RORA: variants seen among roughly 807,000 people sequenced by gnomAD.
The protein encoded by RORA is nuclear receptor ROR-alpha.
In RORA, 7 loss-of-function variants were observed where a neutral mutation model predicts 69.5. The observed-to-expected ratio is 0.10, with a 90% CI of 0.06 to 0.19. RORA has a LOEUF of 0.19. Among genes scored for constraint, RORA ranks in the 10% least tolerant of loss-of-function variants. The probability of loss-of-function intolerance (pLI) is 1.00; values close to 1 mark genes in which losing one functional copy is unlikely to be tolerated. For missense variants in RORA, 457 were observed against 663.0 expected, an observed-to-expected ratio of 0.69 and a Z score of 3.41; for synonymous variants, 261 against 240.8, an observed-to-expected ratio of 1.08 and a Z score of -0.78.
At chr15:60,773,785 A>T (rs2072115411) in intron 1 of RORA, among the ~76,000 whole-genome samples, 1 of 151,822 alleles carries the variant, frequency 6.6e-6, no homozygotes, top group Non-Finnish European at 1.5e-5. Flanking sequence ...GTCAGTATCG[A>T]CTCTGGAAAC....
chr15:60,549,925 G>T (rs1445394996), intron 2 of RORA, among the ~76,000 whole-genome samples: 2 of 152,144 alleles, frequency 1.3e-5, no homozygotes, highest in Non-Finnish European at 2.9e-5. Context: ...TTTATGAAAC[G>T]AAAGTGATAT....
intron 1 of RORA, among the ~76,000 whole-genome samples, chr15:60,983,737 G>A (rs149398957): frequency 1.3e-3 from 195 of 152,140 alleles, no homozygotes; most frequent in Middle Eastern, 6.8e-3. Context: ...GAGTTGTCCC[G>A]CCTTTCCAGA....
intron 1 of RORA, among the ~76,000 whole-genome samples, chr15:60,875,806 T>G (rs1489460668): frequency 2.0e-5 from 3 of 152,122 alleles, no homozygotes; most frequent in Admixed American, 6.5e-5. Context: ...CCTCTAGATA[T>G]GAATGAAGCC....
At chr15:60,946,803 C>G (rs1297213166) in intron 1 of RORA, among the ~76,000 whole-genome samples, 1 of 151,858 alleles carries the variant, frequency 6.6e-6, no homozygotes, top group African/African-American at 2.4e-5. Flanking sequence ...TCCCGGCCAC[C>G]ATCCCGTCTA....
intron 2 of RORA, among the ~76,000 whole-genome samples, chr15:60,624,513 G>GTGTA (rs140966598): frequency 4.5e-5 from 5 of 110,040 alleles, no homozygotes; most frequent in South Asian, 2.8e-4. Flanking sequence ...GTATGTGTGT[G>GTGTA]TATATATATA....
intron 1 of RORA, among the ~76,000 whole-genome samples, chr15:61,064,402 T>C (rs991617127): frequency 1.2e-4 from 18 of 152,236 alleles, no homozygotes; most frequent in East Asian, 5.8e-4. Flanking sequence ...GACCCACTCT[T>C]ACTGGCTTTA....
chr15:61,003,444 C>T (rs1000359684), intron 1 of RORA, among the ~76,000 whole-genome samples: 6 of 152,104 alleles, frequency 3.9e-5, no homozygotes, highest in African/African-American at 1.4e-4. Flanking sequence ...AATGAATTAA[C>T]AAATTCATTA....
Position 61,089,667 on chromosome 15 carries a change from A to T in RORA, c.166+139386T>A, listed in dbSNP as rs1031314577. 1.3e-4 allele frequency among the ~76,000 whole-genome samples: 20 copies of T among 152,268 alleles called. No individual in the cohort carries two copies. The Middle Eastern group carries it at 0.01, about 78-fold the overall frequency. On this transcript the variant is annotated intron_variant, in intron 1 of 10. Coordinates refer to ENST00000335670, the MANE Select transcript of RORA (RefSeq NM_134261.3). Reference sequence around the variant, plus strand: ...ATGAAAAAGATCACCTTGATCAAGAAATTCTCCTTTAAAGGTTTCAGAGCC... The same window carrying T: ...ATGAAAAAGATCACCTTGATCAAGATATTCTCCTTTAAAGGTTTCAGAGCC...
At chr15:60,591,964 CCGACCTAGGCCGGAGCTGTCCCGGGTG>C (rs1429897307) in intron 2 of RORA, among the ~76,000 whole-genome samples, 4 of 152,024 alleles carry the variant, frequency 2.6e-5, no homozygotes, top group Non-Finnish European at 4.4e-5. Context: ...CGGCGCCTCC[CCGACCTAGGCCGGAGCTGTCCCGGGTG>C]CGGGCCCTGG....
Position 60,544,496 on chromosome 15 carries a change from G to C in RORA, c.197-12645C>G, listed in dbSNP as rs979928108. On this transcript the variant is annotated intron_variant, in intron 2 of 10. Transcript: ENST00000335670. ...TGCTTTTTTTTGTTGTTGTTGTTGTGCTTAATGTTAGAAAATAACATTACT... is the reference window on the plus strand; with the variant it reads ...TGCTTTTTTTTGTTGTTGTTGTTGTCCTTAATGTTAGAAAATAACATTACT... Among the ~76,000 whole-genome samples the C allele has an allele frequency of 4.0e-5, 6 of 151,186 alleles. No individual in the cohort carries two copies. In the East Asian group the frequency reaches 1.2e-3, roughly 29 times the overall value.
chr15:61,157,929 T>C (rs917617008), intron 1 of RORA, among the ~76,000 whole-genome samples: 2 of 151,830 alleles, frequency 1.3e-5, no homozygotes, highest in African/African-American at 4.8e-5. Context: ...AGCAACAGAG[T>C]CGGGCCTCTG....
At chr15:60,834,689 C>T (rs1482762771) in intron 1 of RORA, among the ~76,000 whole-genome samples, 1 of 152,184 alleles carries the variant, frequency 6.6e-6, no homozygotes, top group Non-Finnish European at 1.5e-5. Context: ...CAGATTTGCC[C>T]AGCAGCCCAA....
At chr15:60,839,421 C>T (rs1028644853) in intron 1 of RORA, among the ~76,000 whole-genome samples, 1 of 152,134 alleles carries the variant, frequency 6.6e-6, no homozygotes, top group Non-Finnish European at 1.5e-5. Flanking sequence ...AAATGCATTA[C>T]TTTTAATGGC....
chr15:60,587,559 GA>G (rs1253431282), intron 2 of RORA, among the ~76,000 whole-genome samples: 3 of 152,166 alleles, frequency 2.0e-5, no homozygotes, highest in Non-Finnish European at 4.4e-5. Flanking sequence ...TCACTGATGG[GA>G]CTATCAGTGA....
intron 1 of RORA, among the ~76,000 whole-genome samples, chr15:60,752,712 C>T (rs2071743361): frequency 7.0e-6 from 1 of 142,488 alleles, no homozygotes; most frequent in Non-Finnish European, 1.5e-5. Context: ...ACCAAAACAT[C>T]GACTCTGACC....
intron 1 of RORA, among the ~76,000 whole-genome samples, chr15:61,105,007 GC>G (rs1278999839): frequency 9.4e-6 from 1 of 106,732 alleles, no homozygotes; most frequent in Non-Finnish European, 2.0e-5. Flanking sequence ...CCCCCCCACC[GC>G]CCAGCCACGT....
chr15:60,819,880 G>A (rs943529942), intron 1 of RORA, among the ~76,000 whole-genome samples: 17 of 152,034 alleles, frequency 1.1e-4, no homozygotes, highest in Non-Finnish European at 2.2e-4. Flanking sequence ...CAGGCAAGAG[G>A]GAGGCTCCTT....
intron 1 of RORA, among the ~76,000 whole-genome samples, chr15:60,936,910 T>C (rs992400088): frequency 2.0e-5 from 3 of 152,134 alleles, no homozygotes; most frequent in Non-Finnish European, 4.4e-5. Context: ...ACTGTGCTGA[T>C]GTAAGGGATG....
intron 1 of RORA, among the ~76,000 whole-genome samples, chr15:61,017,437 A>C (rs1895337452): frequency 6.6e-6 from 1 of 152,242 alleles, no homozygotes; most frequent in Non-Finnish European, 1.5e-5. Flanking sequence ...TAGGTCCTAC[A>C]TCAAAAACTA....
Sources: allele counts gnomAD v4.1 joint callset (sites outside exome capture counted in the v4.1 genomes callset), GRCh38; gene constraint gnomAD v4.1.1; transcripts MANE v1.5; gene names NCBI Gene and HGNC (gene_info 2026-07-23, HGNC 2026-07-21).